CCDC148: variants seen among roughly 807,000 people sequenced by gnomAD.
CCDC148 encodes the protein coiled-coil domain-containing protein 148.
In CCDC148, 89 loss-of-function variants were observed where a neutral mutation model predicts 85.7. The observed-to-expected ratio is 1.04, with a 90% CI of 0.87 to 1.24. The LOEUF is 1.24. Among genes scored for constraint, CCDC148 ranks in the 50% most tolerant of loss-of-function variants. The probability of loss-of-function intolerance (pLI) is 0.00; values close to 1 mark genes in which losing one functional copy is unlikely to be tolerated. For synonymous variants in CCDC148, 230 were observed against 213.9 expected (o/e 1.08, Z -0.66); for missense variants, 692 against 671.7 (o/e 1.03, Z -0.33).
intron 1 of CCDC148, among the ~76,000 whole-genome samples, chr2:158,384,252 G>T (rs13388895): frequency 6.6e-6 from 1 of 152,068 alleles, no homozygotes; most frequent in Non-Finnish European, 1.5e-5. Flanking sequence ...CTTTGAAAGT[G>T]ATAAAGTTTA....
chr2:158,245,270 G>C (rs1223022731), intron 10 of CCDC148, among the ~76,000 whole-genome samples: 1 of 152,152 alleles, frequency 6.6e-6, no homozygotes, highest in Non-Finnish European at 1.5e-5. Flanking sequence ...GATCCCCTGA[G>C]GGGGTGGGGG....
intron 1 of CCDC148, among the ~76,000 whole-genome samples, chr2:158,430,363 T>C (rs1404093623): frequency 6.6e-6 from 1 of 152,128 alleles, no homozygotes; most frequent in African/African-American, 2.4e-5. Flanking sequence ...AAACTAATTT[T>C]TTTAAAAAAG....
At chr2:158,420,573 A>T (rs553515285) in intron 1 of CCDC148, among the ~76,000 whole-genome samples, 3 of 152,196 alleles carry the variant, frequency 2.0e-5, no homozygotes, top group Non-Finnish European at 4.4e-5. Flanking sequence ...GCCTTACAAG[A>T]GCTCCCAAAG....
intron 1 of CCDC148, among the ~76,000 whole-genome samples, chr2:158,398,474 C>A (rs1685628177): frequency 1.3e-5 from 2 of 152,120 alleles, no homozygotes; most frequent in South Asian, 2.1e-4. Flanking sequence ...TTAAGAAACT[C>A]ACTCAAAACC....
rs16842761 is a variant in CCDC148 at position 158,203,773 on chromosome 2, A to G, written c.1370+16822T>C. 9.9e-3 allele frequency among the ~76,000 whole-genome samples: 1,502 copies of G among 152,322 alleles called. 23 individuals are homozygous for G. Among genetic ancestry groups the G allele is most frequent in the African/African-American group, 0.035 (1,439 of 41,568 alleles). ...TGCCCTCAAAGATAGCAAGTTCAAC[A>G]TCAGGAGATGCGTATGTACCTAGGA... On this transcript the variant is annotated intron_variant, in intron 11 of 13. Transcript: ENST00000283233.
intron 2 of CCDC148, among the ~76,000 whole-genome samples, chr2:158,346,454 T>G (rs73968925): frequency 0.17 from 25,790 of 152,100 alleles, 3,493 homozygotes; most frequent in African/African-American, 0.38. Flanking sequence ...TCTGACCTAC[T>G]GATGGCAGTG....
At chr2:158,247,622 T>G (rs1200022009) in intron 10 of CCDC148, among the ~76,000 whole-genome samples, 1 of 152,134 alleles carries the variant, frequency 6.6e-6, no homozygotes, top group Non-Finnish European at 1.5e-5. Context: ...TTTGGGAGGC[T>G]GAGGCGGGCG....
At chr2:158,267,644 A>T (rs1689526747) in intron 9 of CCDC148, among the ~76,000 whole-genome samples, 1 of 152,144 alleles carries the variant, frequency 6.6e-6, no homozygotes, top group Non-Finnish European at 1.5e-5. Flanking sequence ...TAAATTAGAG[A>T]TTGTCATTGA....
At chr2:158,352,447 A>C (rs531285430) in intron 2 of CCDC148, among the ~76,000 whole-genome samples, 2 of 152,196 alleles carry the variant, frequency 1.3e-5, no homozygotes, top group African/African-American at 2.4e-5. Flanking sequence ...CTCAGGAGCC[A>C]ATGCGATCAG....
At chr2:158,248,807 A>G (rs1688674847) in intron 10 of CCDC148, among the ~76,000 whole-genome samples, 1 of 152,130 alleles carries the variant, frequency 6.6e-6, no homozygotes, top group African/African-American at 2.4e-5. Context: ...AATTCTCCTC[A>G]GCCTTCATCT....
intron 7 of CCDC148, among the ~76,000 whole-genome samples, chr2:158,332,739 C>T (rs549684714): frequency 2.6e-5 from 4 of 152,126 alleles, no homozygotes; most frequent in South Asian, 4.1e-4. Flanking sequence ...AGGGATTCGA[C>T]TTCTTCCTGG....
rs541221563 is a variant in CCDC148 at position 158,366,016 on chromosome 2, G to A, written c.26-7446C>T. On this transcript the variant is annotated intron_variant, in intron 1 of 13. Coordinates refer to ENST00000283233, the MANE Select transcript of CCDC148 (RefSeq NM_138803.4). Reference sequence around the variant, plus strand: ...AGAGTTGGAAGTAAGAAAAATACCTGAGCTATCATTTCTCTGAATTGTCAT... The same window carrying A: ...AGAGTTGGAAGTAAGAAAAATACCTAAGCTATCATTTCTCTGAATTGTCAT... The A allele has an allele frequency of 5.9e-5, 91 of 1,532,546 alleles. No homozygotes were observed. In the African/African-American group the frequency reaches 1.1e-3, roughly 18 times the overall value. The allele number at this position is 1,532,546 out of a possible 1,614,324, so 94.9% of individuals were successfully genotyped here.
intron 1 of CCDC148, among the ~76,000 whole-genome samples, chr2:158,440,053 G>C (rs984279654): frequency 1.3e-5 from 2 of 151,672 alleles, no homozygotes; most frequent in Non-Finnish European, 2.9e-5. Context: ...ACTTTTAGTA[G>C]AGATGAGGTC....
intron 2 of CCDC148, 116 bp from the exon 3 acceptor site, chr2:158,345,434 A>T: frequency 1.6e-6 from 1 of 638,994 alleles, no homozygotes; most frequent in Non-Finnish European, 2.6e-6. Flanking sequence ...TAAAATTCTT[A>T]TTAGTGCATC....
intron 1 of CCDC148, among the ~76,000 whole-genome samples, chr2:158,428,900 T>C (rs548006162): frequency 1.7e-4 from 26 of 152,068 alleles, no homozygotes; most frequent in Non-Finnish European, 3.4e-4. Context: ...TGTCCATCAA[T>C]GATAGACTGG....
chr2:158,354,911 A>C (rs1337438090), intron 2 of CCDC148, among the ~76,000 whole-genome samples: 2 of 151,922 alleles, frequency 1.3e-5, no homozygotes, highest in Non-Finnish European at 2.9e-5. Flanking sequence ...CTGGGATGCA[A>C]GGCTGGTTCA....
chr2:158,233,127 C>T (rs1297576996), intron 10 of CCDC148, among the ~76,000 whole-genome samples: 1 of 151,968 alleles, frequency 6.6e-6, no homozygotes, highest in African/African-American at 2.4e-5. Context: ...CCCAGGTACC[C>T]CAGAAATTTG....
intron 10 of CCDC148, among the ~76,000 whole-genome samples, chr2:158,221,030 C>A (rs1687154458): frequency 1.3e-5 from 2 of 152,196 alleles, no homozygotes; most frequent in Admixed American, 1.3e-4. Context: ...GTGTTATTGT[C>A]TCTAAAGTAT....
At chr2:158,216,573 A>G (rs1025008304) in intron 11 of CCDC148, among the ~76,000 whole-genome samples, 4 of 151,690 alleles carry the variant, frequency 2.6e-5, no homozygotes, top group Non-Finnish European at 5.9e-5. Context: ...AAAAAGCACA[A>G]TACATTTAAT....
Sources: allele counts gnomAD v4.1 joint callset (sites outside exome capture counted in the v4.1 genomes callset), GRCh38; gene constraint gnomAD v4.1.1; transcripts MANE v1.5; gene names NCBI Gene and HGNC (gene_info 2026-07-23, HGNC 2026-07-21).